The following SAMMSON variants were observed in gnomAD, a reference collection of about 807,000 sequenced individuals.
The protein encoded by SAMMSON is long intergenic non-protein coding RNA 1212.
chr3:70,173,679 A>G (rs1023370827), intron 4 of SAMMSON, among the ~76,000 whole-genome samples: 20 of 151,916 alleles, frequency 1.3e-4, no homozygotes, highest in African/African-American at 4.6e-4. Context: ...ATCACGAGCC[A>G]AAATGACAAA....
At chr3:70,108,662 G>C (rs181033663) in intron 4 of SAMMSON, among the ~76,000 whole-genome samples, 1 of 151,776 alleles carries the variant, frequency 6.6e-6, no homozygotes, top group African/African-American at 2.4e-5. Context: ...TTTATGATGA[G>C]ATTAGTGCTT....
chr3:70,183,218 T>C (rs1436918849), intron 4 of SAMMSON: 5 of 152,178 alleles, frequency 3.3e-5, no homozygotes, highest in African/African-American at 1.2e-4. Context: ...TAAGTGACTT[T>C]CCCAAAGAGA....
intron 4 of SAMMSON, among the ~76,000 whole-genome samples, chr3:70,107,141 A>G (rs965671116): frequency 1.3e-5 from 2 of 152,212 alleles, no homozygotes; most frequent in African/African-American, 4.8e-5. Context: ...TAAAATGGAG[A>G]CTAAAGTGAT....
intron 6 of SAMMSON, among the ~76,000 whole-genome samples, chr3:70,252,788 T>G (rs543320280): frequency 6.6e-6 from 1 of 151,668 alleles, no homozygotes; most frequent in Non-Finnish European, 1.5e-5. Context: ...AAAAAGAAAA[T>G]CAAAAAGAAG....
chr3:70,197,579 T>C (rs1043037684), intron 4 of SAMMSON, among the ~76,000 whole-genome samples: 3 of 152,188 alleles, frequency 2.0e-5, no homozygotes, highest in African/African-American at 4.8e-5. Flanking sequence ...GCAGTTAGGA[T>C]TGGGGACAAG....
At chr3:70,142,363 G>T (rs1166374467) in intron 4 of SAMMSON, among the ~76,000 whole-genome samples, 1 of 152,094 alleles carries the variant, frequency 6.6e-6, no homozygotes, top group African/African-American at 2.4e-5. Flanking sequence ...GCCATAAAAA[G>T]GAATGAATGA....
chr3:70,031,827 G>A (rs2067067189), intron 3 of SAMMSON, among the ~76,000 whole-genome samples: 1 of 152,124 alleles, frequency 6.6e-6, no homozygotes, highest in Non-Finnish European at 1.5e-5. Context: ...TGGCAGAGTG[G>A]TTCTTCATGC....
chr3:70,092,880 G>A (rs1203083209), intron 4 of SAMMSON, among the ~76,000 whole-genome samples: 2 of 151,116 alleles, frequency 1.3e-5, no homozygotes, highest in Non-Finnish European at 2.9e-5. Context: ...GAGGGTCTCC[G>A]GATGTGTTGT....
chr3:70,383,756 A>G (rs1339004997), intron 9 of SAMMSON, among the ~76,000 whole-genome samples: 1 of 152,044 alleles, frequency 6.6e-6, no homozygotes, highest in Non-Finnish European at 1.5e-5. Flanking sequence ...CCTTAGGCTA[A>G]CTGTAGATGA....
chr3:70,124,565 C>G (rs1016666685), intron 4 of SAMMSON, among the ~76,000 whole-genome samples: 1 of 151,998 alleles, frequency 6.6e-6, no homozygotes, highest in Admixed American at 6.6e-5. Flanking sequence ...GTAATCCCAG[C>G]ACTTTGGGAG....
At chr3:70,278,220 C>G (rs561164341) in intron 6 of SAMMSON, among the ~76,000 whole-genome samples, 53 of 152,268 alleles carry the variant, frequency 3.5e-4, no homozygotes, top group African/African-American at 1.2e-3. Context: ...ATTTGTCCAA[C>G]GTTTTGTCTG....
At chr3:70,226,737 T>TAAA (rs369777217) in intron 4 of SAMMSON, among the ~76,000 whole-genome samples, 3,396 of 121,324 alleles carry the variant, frequency 0.028, 108 homozygotes, top group Admixed American at 0.095. Flanking sequence ...GACTCTGTCT[T>TAAA]AAAAAAAAAA....
intron 3 of SAMMSON, among the ~76,000 whole-genome samples, chr3:70,060,758 G>C (rs1475883522): frequency 6.6e-6 from 1 of 152,084 alleles, no homozygotes; most frequent in Non-Finnish European, 1.5e-5. Flanking sequence ...TAGTGCTTCA[G>C]TACCCTGATC....
In SAMMSON at chr3:70,158,664, A is replaced by G. The variant is rs569548204; in HGVS notation, n.507+87099A>G. ...AATTTAGACACATCAAGAGAAGCCAAGAGTATAGAATCAAGAAAAACATTG... is the reference window on the plus strand; with the variant it reads ...AATTTAGACACATCAAGAGAAGCCAGGAGTATAGAATCAAGAAAAACATTG... On this transcript the variant is annotated intron_variant and non_coding_transcript_variant, in intron 4 of 9. Coordinates refer to ENST00000642114, the Ensembl canonical transcript of SAMMSON. 2.0e-5 allele frequency among the ~76,000 whole-genome samples: 3 copies of G among 152,154 alleles called. No individual in the cohort carries two copies. The South Asian group carries it at 6.2e-4, about 32-fold the overall frequency.
intron 4 of SAMMSON, among the ~76,000 whole-genome samples, chr3:70,157,494 A>G (rs539078301): frequency 3.7e-4 from 56 of 152,202 alleles, no homozygotes; most frequent in African/African-American, 1.3e-3. Flanking sequence ...TAGGAGAGAA[A>G]GGTCCCTAGT....
intron 9 of SAMMSON, among the ~76,000 whole-genome samples, chr3:70,359,190 C>G (rs1342951389): frequency 6.6e-6 from 1 of 152,106 alleles, no homozygotes; most frequent in Non-Finnish European, 1.5e-5. Flanking sequence ...GAAATACACA[C>G]TTTGCCTCTA....
chr3:70,039,592 T>TAC (rs1559778544), intron 3 of SAMMSON, among the ~76,000 whole-genome samples: 359 of 90,176 alleles, frequency 4.0e-3, no homozygotes, highest in African/African-American at 0.015. Context: ...AACACATCTC[T>TAC]TCACACACAC....
intron 3 of SAMMSON, among the ~76,000 whole-genome samples, chr3:70,065,971 T>C (rs1290673464): frequency 6.6e-6 from 1 of 152,138 alleles, no homozygotes; most frequent in Non-Finnish European, 1.5e-5. Context: ...AAAGCTTTTG[T>C]GGAAGGCAGT....
chr3:70,305,612 T>C (rs1702392873), intron 7 of SAMMSON, among the ~76,000 whole-genome samples: 1 of 152,222 alleles, frequency 6.6e-6, no homozygotes. Flanking sequence ...TTGTCTCACA[T>C]GTTTTCTCTG....
Sources: gnomAD v4.1 joint callset for allele counts (sites outside exome capture counted in the v4.1 genomes callset) on GRCh38, gnomAD v4.1.1 for gene constraint, MANE v1.5 for transcripts, NCBI Gene and HGNC (gene_info 2026-07-23, HGNC 2026-07-21) for gene names.